Variants in JMJD1C observed in about 807,000 individuals in gnomAD.
JMJD1C encodes jumonji domain-containing protein 1C.
In JMJD1C, 31 loss-of-function variants were observed where a neutral mutation model predicts 245.3. The observed-to-expected ratio is 0.13, with a 90% confidence interval of 0.09 to 0.17. JMJD1C has a LOEUF of 0.17. Ranked by LOEUF, JMJD1C falls within the 10% of genes least tolerant of loss-of-function variation. The pLI, the probability that JMJD1C is intolerant of heterozygous loss-of-function variation, is 1.00. For missense variants in JMJD1C, 2,691 were observed against 3,000.2 expected (o/e 0.90, Z 2.41); for synonymous variants, 1,057 against 1,017.4 (o/e 1.04, Z -0.74).
chr10:63,454,866 T>C (rs1343836187), intron 1 of JMJD1C, among the ~76,000 whole-genome samples: 1 of 152,218 alleles, frequency 6.6e-6, no homozygotes, highest in African/African-American at 2.4e-5. Context: ...TACCTCCATA[T>C]GTCCTGTAAA....
At chr10:63,493,245 A>ATTTT (rs1222011265) in intron 1 of JMJD1C, among the ~76,000 whole-genome samples, 3 of 39,298 alleles carry the variant, frequency 7.6e-5, no homozygotes, top group African/African-American at 1.9e-4. Context: ...CAAAACTGTT[A>ATTTT]TTTCTTTTTT....
chr10:63,443,895 T>G (rs1951538986), intron 1 of JMJD1C, among the ~76,000 whole-genome samples: 1 of 152,228 alleles, frequency 6.6e-6, no homozygotes, highest in African/African-American at 2.4e-5. Flanking sequence ...TCAGAAGCTC[T>G]GTGCCAGGAA....
In JMJD1C at chr10:63,189,275, T is replaced by A; in HGVS notation, c.6463A>T (p.Ser2155Cys). Residue 2155 changes from serine to cysteine, a missense_variant, in exon 18 of 26, where the codon AGT becomes TGT. Coordinates refer to ENST00000399262, the MANE Select transcript of JMJD1C (RefSeq NM_032776.3). ...SAVDENNKLY[S>C]DIPHSWICEK... ...CAGATCCAAGAATGTGGTATATCAC[T>A]GTATAATTTATTATTTTCATCCACT... The A allele has an allele frequency of 6.2e-7, 1 of 1,613,498 alleles. No homozygotes were observed. Among genetic ancestry groups the A allele is most frequent in the Non-Finnish European group, 8.5e-7 (1 of 1,179,518 alleles).
At chr10:63,189,084 A>G (rs1013427172) in intron 18 of JMJD1C, 84 bp downstream of exon 18, 122 of 1,190,984 alleles carry the variant, frequency 1.0e-4, no homozygotes, top group Non-Finnish European at 1.0e-4. Context: ...TCCCCCCTCC[A>G]TTTCTATTCC....
chr10:63,478,381 C>G (rs951675747), intron 1 of JMJD1C, among the ~76,000 whole-genome samples: 5 of 152,240 alleles, frequency 3.3e-5, no homozygotes, highest in South Asian at 2.1e-4. Flanking sequence ...TGCAAACAAC[C>G]AAAAATGTCC....
chr10:63,483,427 A>C (rs79693903), intron 1 of JMJD1C, among the ~76,000 whole-genome samples: 2,022 of 152,276 alleles, frequency 0.013, 30 homozygotes, highest in African/African-American at 0.034. Flanking sequence ...TCCTCTGTGC[A>C]TTTTAGGAAG....
intron 2 of JMJD1C, among the ~76,000 whole-genome samples, chr10:63,280,772 A>C (rs977109565): frequency 6.6e-6 from 1 of 152,192 alleles, no homozygotes; most frequent in African/African-American, 2.4e-5. Context: ...ATATATAAAG[A>C]AGCATAAAAT....
At chr10:63,225,737 C>T (rs1006842902) in intron 3 of JMJD1C, among the ~76,000 whole-genome samples, 1 of 151,410 alleles carries the variant, frequency 6.6e-6, no homozygotes, top group African/African-American at 2.4e-5. Context: ...TGAGATGGCG[C>T]CATTGCACTC....
intron 3 of JMJD1C, chr10:63,223,185 C>T: frequency 1.9e-6 from 1 of 525,206 alleles, no homozygotes; most frequent in South Asian, 3.2e-5. Context: ...CATCCATATA[C>T]CTTTTCCATA....
intron 1 of JMJD1C, among the ~76,000 whole-genome samples, chr10:63,480,608 T>C (rs1953801754): frequency 6.9e-6 from 1 of 144,420 alleles, no homozygotes; most frequent in African/African-American, 2.6e-5. Flanking sequence ...TGGATGTTAT[T>C]GACAATTTAA....
intron 3 of JMJD1C, among the ~76,000 whole-genome samples, chr10:63,238,180 CAAAAAAAAA>C (rs548385223): frequency 3.3e-5 from 1 of 30,578 alleles, no homozygotes; most frequent in Non-Finnish European, 7.7e-5. Context: ...GACTCCATCT[CAAAAAAAAA>C]AAAAAAGAAA....
intron 3 of JMJD1C, among the ~76,000 whole-genome samples, chr10:63,242,180 T>C (rs1409942473): frequency 2.0e-5 from 3 of 152,136 alleles, no homozygotes; most frequent in Admixed American, 6.5e-5. Flanking sequence ...GACAATACAA[T>C]GGTACCAAAA....
chr10:63,480,300 G>A (rs1953790951), intron 1 of JMJD1C, among the ~76,000 whole-genome samples: 1 of 149,696 alleles, frequency 6.7e-6, no homozygotes, highest in Non-Finnish European at 1.5e-5. Flanking sequence ...GAATCCTCCA[G>A]AAACAGCCTA....
At chr10:63,229,427 AC>A (rs1211033494) in intron 3 of JMJD1C, among the ~76,000 whole-genome samples, 2 of 152,180 alleles carry the variant, frequency 1.3e-5, no homozygotes, top group Non-Finnish European at 2.9e-5. Flanking sequence ...AAAAAAACAA[AC>A]AAAAAAACAG....
At chr10:63,185,814 T>C (rs999749998) in intron 19 of JMJD1C, among the ~76,000 whole-genome samples, 161 bp from the exon 20 acceptor site, 1 of 152,260 alleles carries the variant, frequency 6.6e-6, no homozygotes, top group Admixed American at 6.5e-5. Flanking sequence ...TTATGTAGTA[T>C]TAAAACCTTT....
chr10:63,198,063 C>T (rs991114559), intron 12 of JMJD1C, among the ~76,000 whole-genome samples: 2 of 152,208 alleles, frequency 1.3e-5, no homozygotes, highest in Non-Finnish European at 2.9e-5. Context: ...CTTAAGTAAA[C>T]ATAATTAACA....
At chr10:63,435,173 C>T (rs1950993928) in intron 1 of JMJD1C, among the ~76,000 whole-genome samples, 1 of 152,346 alleles carries the variant, frequency 6.6e-6, no homozygotes, top group East Asian at 1.9e-4. Context: ...CACTCCTTTA[C>T]TACAACAGTG....
At chr10:63,437,811 T>C (rs1951141515) in intron 1 of JMJD1C, among the ~76,000 whole-genome samples, 1 of 152,200 alleles carries the variant, frequency 6.6e-6, no homozygotes, top group South Asian at 2.1e-4. Flanking sequence ...AGCCTTTATC[T>C]TACTTCACTA....
chr10:63,277,196 AT>A (rs1250670955), intron 2 of JMJD1C, among the ~76,000 whole-genome samples: 1 of 149,536 alleles, frequency 6.7e-6, no homozygotes, highest in African/African-American at 2.5e-5. Context: ...AGTAATCTCT[AT>A]TTTTTTATTT....
Sources: gnomAD v4.1 joint callset for allele counts (sites outside exome capture counted in the v4.1 genomes callset) on GRCh38, gnomAD v4.1.1 for gene constraint, MANE v1.5 for transcripts, NCBI Gene and HGNC (gene_info 2026-07-23, HGNC 2026-07-21) for gene names.